Variants in TTC28 observed in about 807,000 individuals in gnomAD.
TTC28 encodes the protein tetratricopeptide repeat domain 28.
A neutral mutation model predicts 198.0 loss-of-function variants in TTC28; 61 were observed. The ratio of observed to expected loss-of-function variants is 0.31; its 90% CI spans 0.25 to 0.38. The LOEUF (loss-of-function observed/expected upper bound fraction) is 0.38, where lower values mean the gene tolerates loss of function less well. Ranked by LOEUF, TTC28 falls within the 10% of genes least tolerant of loss-of-function variation. The pLI is 1.00. For missense variants in TTC28, 2,678 were observed against 3,164.0 expected, an observed-to-expected ratio of 0.85 and a Z score of 3.69; for synonymous variants, 1,171 against 1,297.8, an observed-to-expected ratio of 0.90 and a Z score of 2.10.
At chr22:28,230,279 G>T (rs557714197) in intron 5 of TTC28, among the ~76,000 whole-genome samples, 180 of 152,300 alleles carry the variant, frequency 1.2e-3, no homozygotes, top group Non-Finnish European at 1.7e-3. Context: ...CCACAGAAAG[G>T]CCCCTCCCAG....
chr22:28,455,914 C>G (rs2047852212), intron 2 of TTC28, among the ~76,000 whole-genome samples: 1 of 151,898 alleles, frequency 6.6e-6, no homozygotes, highest in East Asian at 1.9e-4. Flanking sequence ...AATCCCAGCA[C>G]TTTGGGAGGC....
chr22:28,504,074 A>G (rs1252141356), intron 2 of TTC28, among the ~76,000 whole-genome samples: 1 of 152,218 alleles, frequency 6.6e-6, no homozygotes, highest in Non-Finnish European at 1.5e-5. Flanking sequence ...GATCTTTAAT[A>G]TAAACCTGGC....
intron 2 of TTC28, among the ~76,000 whole-genome samples, chr22:28,453,580 C>G (rs527680751): frequency 6.6e-6 from 1 of 152,302 alleles, no homozygotes; most frequent in South Asian, 2.1e-4. Flanking sequence ...CATCCAGCAG[C>G]TCAGGCCAAA....
rs569866835 is a variant in TTC28 at position 28,639,317 on chromosome 22, G to C, written c.103-9487C>G. Among the ~76,000 whole-genome samples the C allele has an allele frequency of 3.3e-5, 5 of 152,244 alleles. No individual in the cohort carries two copies. In the East Asian group the frequency reaches 9.6e-4, roughly 29 times the overall value. On this transcript the variant is annotated intron_variant, in intron 1 of 22. Transcript: ENST00000397906. ...AAAAAATCAAAAGGCAGAAGAAATT[G>C]TATCAGTTTACACTTCTACCAACAA...
At chr22:27,987,481 C>T (rs560688508) in intron 21 of TTC28, among the ~76,000 whole-genome samples, 1 of 152,132 alleles carries the variant, frequency 6.6e-6, no homozygotes, top group African/African-American at 2.4e-5. Flanking sequence ...CCTATAATCC[C>T]AACACTTTGG....
At chr22:28,201,180 A>AATTCATTC (rs375425536) in intron 5 of TTC28, among the ~76,000 whole-genome samples, 112 of 151,930 alleles carry the variant, frequency 7.4e-4, no homozygotes, top group Non-Finnish European at 1.3e-3. Context: ...TCAATCTTAA[A>AATTCATTC]ATTCATTCAT....
At chr22:28,447,322 C>A (rs1332922011) in intron 2 of TTC28, among the ~76,000 whole-genome samples, 2 of 152,246 alleles carry the variant, frequency 1.3e-5, no homozygotes, top group Non-Finnish European at 2.9e-5. Flanking sequence ...TGCTAAGCAA[C>A]TCAATTGATG....
chr22:28,038,056 A>G (rs1238473377), intron 12 of TTC28, among the ~76,000 whole-genome samples: 2 of 152,200 alleles, frequency 1.3e-5, no homozygotes, highest in East Asian at 3.8e-4. Flanking sequence ...ATGCTCATGG[A>G]CAGGAAGAAT....
intron 5 of TTC28, among the ~76,000 whole-genome samples, chr22:28,238,829 A>G (rs1929443111): frequency 1.3e-5 from 2 of 152,198 alleles, no homozygotes; most frequent in Admixed American, 6.5e-5. Flanking sequence ...CAAACAGTGA[A>G]GAGGACTCAC....
intron 6 of TTC28, among the ~76,000 whole-genome samples, chr22:28,152,590 C>T (rs975904010): frequency 2.0e-5 from 3 of 152,096 alleles, no homozygotes; most frequent in African/African-American, 4.8e-5. Flanking sequence ...AGGGCTACTG[C>T]GAGAACAAAT....
At chr22:28,138,396 A>T (rs1347397438) in intron 6 of TTC28, among the ~76,000 whole-genome samples, 1 of 152,258 alleles carries the variant, frequency 6.6e-6, no homozygotes, top group East Asian at 1.9e-4. Context: ...CACATATTTT[A>T]AAAAACACTA....
intron 5 of TTC28, among the ~76,000 whole-genome samples, chr22:28,249,071 C>T (rs1255700953): frequency 2.0e-5 from 3 of 151,980 alleles, no homozygotes; most frequent in Non-Finnish European, 4.4e-5. Context: ...AATAATGTAT[C>T]CCCTGAAGAG....
chr22:28,670,098 TG>T (rs34145718), intron 1 of TTC28, among the ~76,000 whole-genome samples: 27,600 of 136,402 alleles, frequency 0.2, 2,813 homozygotes, highest in East Asian at 0.38. Flanking sequence ...AAAATAAAAA[TG>T]GGGGGGGGGC....
At chr22:28,358,054 T>A (rs12157518) in intron 2 of TTC28, among the ~76,000 whole-genome samples, 6,202 of 152,324 alleles carry the variant, frequency 0.041, 157 homozygotes, top group African/African-American at 0.058. Flanking sequence ...TCTTTCCAGA[T>A]AATGAAATTG....
At chr22:28,119,952 T>G (rs1380487638) in intron 6 of TTC28, among the ~76,000 whole-genome samples, 1 of 152,156 alleles carries the variant, frequency 6.6e-6, no homozygotes, top group Non-Finnish European at 1.5e-5. Context: ...TACTGACTGA[T>G]CCTCCTCACC....
chr22:28,160,230 A>C (rs1462882927), intron 6 of TTC28, among the ~76,000 whole-genome samples: 1 of 152,236 alleles, frequency 6.6e-6, no homozygotes, highest in Non-Finnish European at 1.5e-5. Flanking sequence ...TGTTTGTAAC[A>C]CAAAGAATAA....
chr22:28,132,048 G>C (rs1404904362), intron 6 of TTC28, among the ~76,000 whole-genome samples: 3 of 152,036 alleles, frequency 2.0e-5, no homozygotes, highest in Non-Finnish European at 4.4e-5. Context: ...ATACCTTGTT[G>C]ACCACAATTC....
Position 28,536,206 on chromosome 22 carries a change from A to T in TTC28, c.381+93346T>A, listed in dbSNP as rs969222982. Among the ~76,000 whole-genome samples, 6 of 142,926 alleles carry T rather than the reference A, an allele frequency of 4.2e-5. 1 individual carries two copies. The highest frequency in any genetic ancestry group is 1.7e-4 in the African/African-American group (6 of 35,926). The allele number at this position is 142,926 out of a possible 152,430, so 93.8% of individuals were successfully genotyped here. On this transcript the variant is annotated intron_variant, in intron 2 of 22. Transcript: ENST00000397906. ...AGAGCGAGACACCGTCTCAAAAAAA[A>T]AAAAAAAAAAAAAACATAAAAATAA...
chr22:28,556,176 T>C (rs1013477190), intron 2 of TTC28, among the ~76,000 whole-genome samples: 8 of 152,004 alleles, frequency 5.3e-5, no homozygotes, highest in Non-Finnish European at 8.8e-5. Flanking sequence ...CTGGCCAACA[T>C]AGTAAAACCC....
Sources: allele counts gnomAD v4.1 joint callset (sites outside exome capture counted in the v4.1 genomes callset), GRCh38; gene constraint gnomAD v4.1.1; transcripts MANE v1.5; gene names NCBI Gene and HGNC (gene_info 2026-07-23, HGNC 2026-07-21).